The following SYT1 variants were observed in gnomAD, a reference collection of about 807,000 sequenced individuals.
The protein encoded by SYT1 is synaptotagmin-1.
A neutral mutation model predicts 44.8 loss-of-function variants in SYT1; 8 were observed. That is an observed-to-expected ratio of 0.18 (90% CI 0.10 to 0.32). The LOEUF (loss-of-function observed/expected upper bound fraction) is 0.32, where lower values mean the gene tolerates loss of function less well. SYT1 is among the 10% of genes least tolerant of loss of function. SYT1 has a pLI of 1.00. For missense variants in SYT1, 286 were observed against 509.3 expected (o/e 0.56, Z 4.22); for synonymous variants, 154 against 188.8 (o/e 0.82, Z 1.51).
At chr12:79,015,459 C>A (rs891484138) in intron 2 of SYT1, among the ~76,000 whole-genome samples, 3 of 151,978 alleles carry the variant, frequency 2.0e-5, no homozygotes, top group African/African-American at 7.3e-5. Context: ...ATCTCTTTGA[C>A]AATTTGTTTT....
At chr12:78,930,443 T>G (rs1170638334) in intron 1 of SYT1, among the ~76,000 whole-genome samples, 2 of 151,114 alleles carry the variant, frequency 1.3e-5, no homozygotes, top group African/African-American at 4.9e-5. Flanking sequence ...AGAAAGGGAA[T>G]TGAAGAAAAA....
At chr12:79,322,222 T>G (rs1291393828) in intron 8 of SYT1, among the ~76,000 whole-genome samples, 1 of 152,202 alleles carries the variant, frequency 6.6e-6, no homozygotes, top group African/African-American at 2.4e-5. Context: ...TCATATATAG[T>G]AAGCTAAAAT....
intron 1 of SYT1, among the ~76,000 whole-genome samples, chr12:78,976,980 A>G (rs995754661): frequency 2.0e-5 from 3 of 152,222 alleles, no homozygotes; most frequent in Admixed American, 2.0e-4. Context: ...CAAATATAAG[A>G]TAGTAGAAAT....
intron 2 of SYT1, among the ~76,000 whole-genome samples, chr12:79,003,718 G>A (rs1338795255): frequency 6.6e-6 from 1 of 151,832 alleles, no homozygotes; most frequent in African/African-American, 2.4e-5. Context: ...TGATGATGTA[G>A]TCTGTTTTCT....
In SYT1 at chr12:79,291,988, GA is replaced by G; in HGVS notation, c.352-19del. 4 of 1,612,696 alleles carry G rather than the reference GA, an allele frequency of 2.5e-6. No homozygotes were observed. Among genetic ancestry groups the G allele is most frequent in the Non-Finnish European group, 3.4e-6 (4 of 1,179,700 alleles). On this transcript the variant is annotated intron_variant, in intron 5 of 10. Coordinates refer to ENST00000261205, the MANE Select transcript of SYT1 (RefSeq NM_005639.3). ...GATGAAAACTCTGAAATTCACATGTGATCCTTTCTCTATACATAGGCCCTCA... is the reference window on the plus strand; with the variant it reads ...GATGAAAACTCTGAAATTCACATGTGTCCTTTCTCTATACATAGGCCCTCA...
At position 79,447,901 on chromosome 12, in the gene SYT1, G is replaced by T. The variant is rs763391979; in HGVS notation, c.1063-1017G>T. The stretch of plus-strand genomic sequence containing the variant: ...TCCACTAAAGGGCCCTAACTCAGCT[G>T]GTTCTTAATCTGGCCCTAGCTTTTA... On this transcript the variant is annotated intron_variant, in intron 10 of 10. Transcript: ENST00000261205. Among the ~76,000 whole-genome samples, 73 of 151,998 alleles carry T rather than the reference G, an allele frequency of 4.8e-4. 1 individual carries two copies. The highest frequency in any genetic ancestry group is 1.9e-4 in the East Asian group (1 of 5,186).
chr12:79,080,035 A>G (rs997374908), intron 3 of SYT1, among the ~76,000 whole-genome samples: 14 of 152,064 alleles, frequency 9.2e-5, no homozygotes, highest in African/African-American at 3.1e-4. Flanking sequence ...AAAGTACAAT[A>G]TTTTCTATTA....
chr12:78,899,648 C>T (rs1284893465), intron 1 of SYT1, among the ~76,000 whole-genome samples: 1 of 151,376 alleles, frequency 6.6e-6, no homozygotes, highest in African/African-American at 2.4e-5. Flanking sequence ...AAAGTTTTCT[C>T]TTTGAAATTT....
At chr12:79,035,726 T>C (rs567563471) in intron 2 of SYT1, among the ~76,000 whole-genome samples, 9 of 151,624 alleles carry the variant, frequency 5.9e-5, no homozygotes, top group Non-Finnish European at 1.2e-4. Context: ...GACATTCTGC[T>C]CTGTTTTGAT....
At chr12:78,866,717 C>G (rs1873564142) in intron 1 of SYT1, among the ~76,000 whole-genome samples, 1 of 152,176 alleles carries the variant, frequency 6.6e-6, no homozygotes, top group Non-Finnish European at 1.5e-5. Context: ...GAGAAATCCA[C>G]AGATGTTAGT....
chr12:79,341,660 C>CTTTTT (rs34759181), intron 8 of SYT1, among the ~76,000 whole-genome samples: 6 of 63,102 alleles, frequency 9.5e-5, no homozygotes, highest in Admixed American at 2.0e-4. Flanking sequence ...TACATTCATT[C>CTTTTT]TTTTTTTTTT....
At chr12:79,412,576 G>A (rs967314760) in intron 9 of SYT1, among the ~76,000 whole-genome samples, 3 of 152,040 alleles carry the variant, frequency 2.0e-5, no homozygotes, top group Non-Finnish European at 4.4e-5. Context: ...CGGGACGATG[G>A]TCTCTCCTGT....
chr12:78,880,196 C>T (rs1874377943), intron 1 of SYT1, among the ~76,000 whole-genome samples: 1 of 151,684 alleles, frequency 6.6e-6, no homozygotes, highest in Admixed American at 6.6e-5. Context: ...CCATGTGGAC[C>T]AGAGCCTCAC....
chr12:79,306,079 ATTG>A (rs1445315973), intron 8 of SYT1, among the ~76,000 whole-genome samples: 1 of 152,110 alleles, frequency 6.6e-6, no homozygotes, highest in Admixed American at 6.5e-5. Context: ...ACACTGCCAT[ATTG>A]CCACTAAGAG....
intron 1 of SYT1, among the ~76,000 whole-genome samples, chr12:78,963,482 A>G (rs1341385117): frequency 6.6e-6 from 1 of 152,172 alleles, no homozygotes; most frequent in Non-Finnish European, 1.5e-5. Context: ...ACACACTGAC[A>G]ACCCAATTTA....
chr12:79,386,656 T>C (rs1884446843), intron 9 of SYT1, among the ~76,000 whole-genome samples: 1 of 152,220 alleles, frequency 6.6e-6, no homozygotes, highest in Non-Finnish European at 1.5e-5. Context: ...GTATTCCTGG[T>C]ATTCCCTGGT....
In SYT1 at chr12:79,234,797, G is replaced by A. The variant is rs377422701; in HGVS notation, c.166+17112G>A. 1.3e-4 allele frequency among the ~76,000 whole-genome samples: 19 copies of A among 147,174 alleles called. 2 individuals carry two copies. Among genetic ancestry groups the A allele is most frequent in the East Asian group, 8.2e-4 (4 of 4,864 alleles). On this transcript the variant is annotated intron_variant, in intron 4 of 10. Coordinates refer to ENST00000261205, the MANE Select transcript of SYT1 (RefSeq NM_005639.3). ...GCAATCTTGGCTCACTGCAACCTCCGCCTTCTGGGTTCAAGCAATTCTCCT... is the reference window on the plus strand; with the variant it reads ...GCAATCTTGGCTCACTGCAACCTCCACCTTCTGGGTTCAAGCAATTCTCCT...
chr12:79,122,675 G>A (rs1334853533), intron 3 of SYT1, among the ~76,000 whole-genome samples: 1 of 152,066 alleles, frequency 6.6e-6, no homozygotes, highest in Non-Finnish European at 1.5e-5. Context: ...TCAAAAGTAA[G>A]TTCCATTCAT....
chr12:79,015,003 T>C (rs1328267089), intron 2 of SYT1, among the ~76,000 whole-genome samples: 3 of 151,856 alleles, frequency 2.0e-5, no homozygotes, highest in South Asian at 2.1e-4. Context: ...TAGGTGGGAA[T>C]TGAACAATGA....
Sources: allele counts gnomAD v4.1 joint callset (sites outside exome capture counted in the v4.1 genomes callset), GRCh38; gene constraint gnomAD v4.1.1; transcripts MANE v1.5; gene names NCBI Gene and HGNC (gene_info 2026-07-23, HGNC 2026-07-21).